Variants in ASXL2 observed in about 807,000 individuals in gnomAD.
ASXL2 encodes the protein ASXL transcriptional regulator 2, also known as putative Polycomb group protein ASXL2.
In ASXL2, 23 loss-of-function variants were observed where a neutral mutation model predicts 122.0. That is an observed-to-expected ratio of 0.19 (90% CI 0.14 to 0.27). ASXL2 has a LOEUF of 0.27. Among genes scored for constraint, ASXL2 ranks in the 10% least tolerant of loss-of-function variants. ASXL2 has a pLI of 1.00. For missense variants in ASXL2, 1,518 were observed against 1,713.8 expected (o/e 0.89, Z 2.02); for synonymous variants, 650 against 637.0 (o/e 1.02, Z -0.31).
intron 3 of ASXL2, among the ~76,000 whole-genome samples, chr2:25,810,812 T>C (rs1338233890): frequency 6.6e-6 from 1 of 152,190 alleles, no homozygotes; most frequent in African/African-American, 2.4e-5. Flanking sequence ...AAGTCCTAAA[T>C]AAAACAGTTT....
rs1254334568 is a variant in ASXL2 at position 25,736,840 on chromosome 2, T to C, written c.*5189A>G. 1 of 152,218 alleles carries C rather than the reference T, an allele frequency of 6.6e-6. No individual in the cohort carries two copies. The highest frequency in any genetic ancestry group is 2.4e-5 in the African/African-American group (1 of 41,454). 9.4% of individuals were successfully genotyped at this position (152,218 alleles called of 1,614,324 possible). A position where few individuals can be genotyped will look rare whatever the true frequency, so the allele number is the denominator to read the frequency against. On this transcript the variant is annotated 3_prime_UTR_variant, in exon 13 of 13. Coordinates refer to ENST00000435504, the MANE Select transcript of ASXL2 (RefSeq NM_018263.6). ...TTCTTTTAGGTCATCAATGATTCGA[T>C]ATATTATTCATTTGTTAAAAAATGG...
At chr2:25,821,636 T>C (rs191074446) in intron 3 of ASXL2, among the ~76,000 whole-genome samples, 5 of 152,176 alleles carry the variant, frequency 3.3e-5, no homozygotes, top group East Asian at 1.9e-4. Flanking sequence ...ATATTTTCTA[T>C]GAACACGTAT....
intron 8 of ASXL2, among the ~76,000 whole-genome samples, chr2:25,767,364 A>AG (rs1491447580): frequency 3.3e-5 from 5 of 152,234 alleles, no homozygotes; most frequent in Non-Finnish European, 7.3e-5. Context: ...AAAGGTAAAC[A>AG]GGGGATAGCA....
chr2:25,749,906 A>G lies in ASXL2; in HGVS notation c.1650T>C (p.Asn550=), dbSNP rs1252182266. The stretch of plus-strand genomic sequence containing the variant: ...CAAGAGTTGCTAGAGGTTCTTTCAT[A>G]TTAGTCTCCTGTGGACCCGCTCCTG... ...PTAGAGPQET[N]MKEPLATLVD... The change falls in exon 12 of 13, where the codon AAT becomes AAC. Residue 550 remains asparagine (N), a synonymous_variant. Transcript: ENST00000435504. 3 of 1,612,820 alleles carry G rather than the reference A, an allele frequency of 1.9e-6. No individual in the cohort carries two copies. The highest frequency in any genetic ancestry group is 2.5e-6 in the Non-Finnish European group (3 of 1,179,616).
intron 5 of ASXL2, among the ~76,000 whole-genome samples, chr2:25,773,621 A>AGTAGAGATAGGGTTT (rs2088495937): frequency 6.7e-6 from 1 of 149,720 alleles, no homozygotes; most frequent in South Asian, 2.2e-4. Flanking sequence ...AGCCGAGATT[A>AGTAGAGATAGGGTTT]CGCCACTGCA....
At chr2:25,774,398 C>T (rs2088512655) in intron 5 of ASXL2, among the ~76,000 whole-genome samples, 1 of 152,298 alleles carries the variant, frequency 6.6e-6, no homozygotes, top group African/African-American at 2.4e-5. Context: ...CAGCCGGTCA[C>T]AATCTTCAAG....
intron 5 of ASXL2, among the ~76,000 whole-genome samples, chr2:25,772,998 C>G (rs1397520622): frequency 6.6e-6 from 1 of 150,992 alleles, no homozygotes; most frequent in Non-Finnish European, 1.5e-5. Context: ...CGACTGAAGT[C>G]AGGAGTTCAA....
chr2:25,779,521 A>G (rs547817927), intron 5 of ASXL2, among the ~76,000 whole-genome samples: 2 of 152,180 alleles, frequency 1.3e-5, no homozygotes, highest in Non-Finnish European at 2.9e-5. Context: ...ATAATTATTG[A>G]AATTAAGACT....
intron 8 of ASXL2, among the ~76,000 whole-genome samples, chr2:25,763,120 A>C (rs2088283116): frequency 6.6e-6 from 1 of 152,222 alleles, no homozygotes; most frequent in African/African-American, 2.4e-5. Flanking sequence ...CCATTTGGAT[A>C]GGAGATTTCA....
At chr2:25,748,198 T>C (rs774391433) in intron 12 of ASXL2, among the ~76,000 whole-genome samples, 4 of 145,750 alleles carry the variant, frequency 2.7e-5, no homozygotes, top group Non-Finnish European at 6.0e-5. Flanking sequence ...AAACAAGCAA[T>C]GAATAAAAAA....
At chr2:25,811,274 A>G (rs1316481357) in intron 3 of ASXL2, among the ~76,000 whole-genome samples, 1 of 151,890 alleles carries the variant, frequency 6.6e-6, no homozygotes, top group Non-Finnish European at 1.5e-5. Flanking sequence ...AAATAAATAA[A>G]TAAATAACAA....
At chr2:25,765,937 T>A (rs1478698984) in intron 8 of ASXL2, among the ~76,000 whole-genome samples, 1 of 152,234 alleles carries the variant, frequency 6.6e-6, no homozygotes, top group Non-Finnish European at 1.5e-5. Flanking sequence ...ATATGTGATA[T>A]ACTACATTAA....
At chr2:25,807,551 C>T (rs2089101324) in intron 3 of ASXL2, among the ~76,000 whole-genome samples, 1 of 151,964 alleles carries the variant, frequency 6.6e-6, no homozygotes, top group African/African-American at 2.4e-5. Flanking sequence ...AATGTAATTC[C>T]AATCAGGATC....
In ASXL2 at chr2:25,781,959, C is replaced by CTTTTTTTTTT. The variant is rs1327580113; in HGVS notation, c.404-10420_404-10419insAAAAAAAAAA. On this transcript the variant is annotated intron_variant, in intron 5 of 12. Coordinates refer to ENST00000435504, the MANE Select transcript of ASXL2 (RefSeq NM_018263.6). Reference sequence around the variant, plus strand: ...TAACAGGCGTGAGCCACCGCCCGGGCTTTTTTCTTTTTTTTTTTTTTTTTT... The same window carrying CTTTTTTTTTT: ...TAACAGGCGTGAGCCACCGCCCGGGCTTTTTTTTTTTTTTTTCTTTTTTTTTTTTTTTTTT... 4.0e-4 allele frequency among the ~76,000 whole-genome samples: 35 copies of CTTTTTTTTTT among 88,382 alleles called. 8 individuals are homozygous for CTTTTTTTTTT. The highest frequency in any genetic ancestry group is 5.9e-4 in the Non-Finnish European group (25 of 42,686). The allele number at this position is 88,382 out of a possible 152,430, so 58.0% of individuals were successfully genotyped here. A position where few individuals can be genotyped will look rare whatever the true frequency, so the allele number is the denominator to read the frequency against.
At chr2:25,851,840 G>A (rs2089719441) in intron 1 of ASXL2, among the ~76,000 whole-genome samples, 1 of 152,002 alleles carries the variant, frequency 6.6e-6, no homozygotes, top group Non-Finnish European at 1.5e-5. Context: ...GCCATGAGCC[G>A]AGATCGTGCC....
chr2:25,832,108 C>T (rs1328695658), intron 3 of ASXL2, among the ~76,000 whole-genome samples: 1 of 152,170 alleles, frequency 6.6e-6, no homozygotes, highest in Non-Finnish European at 1.5e-5. Flanking sequence ...AAGAAGCAAT[C>T]CTGTAGCACC....
At position 25,878,427 on chromosome 2, in the gene ASXL2, C is replaced by T. The variant is rs918918994; in HGVS notation, c.-205G>A. ...GCGGCCGGTCCTCTTGCTGCCGTTG[C>T]CACTGCTACCGCCGCTGCCATATTG... is the stretch of plus-strand genomic sequence containing the variant. On this transcript the variant is annotated 5_prime_UTR_variant, in exon 1 of 13. Coordinates refer to ENST00000435504, the MANE Select transcript of ASXL2 (RefSeq NM_018263.6). 1 of 597,944 alleles carries T rather than the reference C, an allele frequency of 1.7e-6. No homozygotes were observed. The highest frequency in any genetic ancestry group is 1.9e-5 in the African/African-American group (1 of 53,638). 37.0% of individuals were successfully genotyped at this position (597,944 alleles called of 1,614,324 possible).
chr2:25,757,358 G>T (rs1367008331), intron 9 of ASXL2, among the ~76,000 whole-genome samples: 2 of 151,660 alleles, frequency 1.3e-5, no homozygotes, highest in African/African-American at 4.8e-5. Context: ...GAATACCCTG[G>T]CTGGGCGCGG....
intron 1 of ASXL2, among the ~76,000 whole-genome samples, chr2:25,858,082 C>T (rs2089801990): frequency 6.6e-6 from 1 of 152,164 alleles, no homozygotes; most frequent in Admixed American, 6.5e-5. Context: ...TATTTAACTA[C>T]ATTCAATGCT....
Sources: allele counts gnomAD v4.1 joint callset (sites outside exome capture counted in the v4.1 genomes callset), GRCh38; gene constraint gnomAD v4.1.1; transcripts MANE v1.5; gene names NCBI Gene and HGNC (gene_info 2026-07-23, HGNC 2026-07-21).